Variants in PLSCR4 observed in about 807,000 individuals in gnomAD.
The protein encoded by PLSCR4 is Ca(2+)-dependent phospholipid scramblase 4.
Under a neutral mutation model 36.3 loss-of-function variants are expected in PLSCR4, and 25 were observed. The observed-to-expected ratio is 0.69, with a 90% confidence interval of 0.50 to 0.96. PLSCR4 has a LOEUF of 0.96. PLSCR4 is among the 40% of genes least tolerant of loss of function. The pLI, the probability that PLSCR4 is intolerant of heterozygous loss-of-function variation, is 0.00. For synonymous variants in PLSCR4, 122 were observed against 132.9 expected, an observed-to-expected ratio of 0.92 and a Z score of 0.56; for missense variants, 408 against 414.7, an observed-to-expected ratio of 0.98 and a Z score of 0.14.
intron 3 of PLSCR4, among the ~76,000 whole-genome samples, chr3:146,207,944 T>C (rs1319212823): frequency 1.3e-5 from 2 of 152,048 alleles, no homozygotes; most frequent in Non-Finnish European, 2.9e-5. Context: ...AAAATTCATA[T>C]GCAACCAAAA....
intron 1 of PLSCR4, among the ~76,000 whole-genome samples, chr3:146,247,068 G>A (rs1187623124): frequency 6.6e-6 from 1 of 152,000 alleles, no homozygotes; most frequent in East Asian, 1.9e-4. Flanking sequence ...TTATTAAAAT[G>A]TCTTGATGTT....
At chr3:146,207,687 A>G (rs1361021755) in intron 3 of PLSCR4, among the ~76,000 whole-genome samples, 1 of 152,068 alleles carries the variant, frequency 6.6e-6, no homozygotes, top group African/African-American at 2.4e-5. Flanking sequence ...TGGGACTTCA[A>G]TATGTGAATT....
Position 146,214,419 on chromosome 3 carries a change from G to A in PLSCR4, c.118+6396C>T, listed in dbSNP as rs1198625146. The stretch of plus-strand genomic sequence containing the variant: ...ATTACAGGCGTGAGCCACCGCGCCC[G>A]GCCCTCTTCCTTTTTTTTTAATGGA... On this transcript the variant is annotated intron_variant, in intron 3 of 8. Transcript: ENST00000354952. Among the ~76,000 whole-genome samples the A allele has an allele frequency of 3.2e-4, 3 of 9,496 alleles. 1 individual carries two copies. The highest frequency in any genetic ancestry group is 9.3e-4 in the Non-Finnish European group (3 of 3,236). The allele number at this position is 9,496 out of a possible 152,430, so 6.2% of individuals were successfully genotyped here. A position where few individuals can be genotyped will look rare whatever the true frequency, so the allele number is the denominator to read the frequency against.
Position 146,212,456 on chromosome 3 carries a change from G to GGT in PLSCR4, c.119-5696_119-5695insAC, listed in dbSNP as rs562261221. 7.3e-5 allele frequency among the ~76,000 whole-genome samples: 10 copies of GGT among 137,174 alleles called. No homozygotes were observed. In the East Asian group the frequency reaches 2.1e-3, roughly 29 times the overall value. 90.0% of individuals were successfully genotyped at this position (137,174 alleles called of 152,430 possible). A position where few individuals can be genotyped will look rare whatever the true frequency, so the allele number is the denominator to read the frequency against. ...TGTTTTGTTTTTTTTTGTTTTTTGG[G>GGT]TTTTTTTTTTTTTAGACAGGGTCTC... On this transcript the variant is annotated intron_variant, in intron 3 of 8. Transcript: ENST00000354952.
intron 1 of PLSCR4, among the ~76,000 whole-genome samples, chr3:146,246,345 T>G (rs1322277228): frequency 6.6e-6 from 1 of 152,088 alleles, no homozygotes; most frequent in Non-Finnish European, 1.5e-5. Context: ...TTTATTATTT[T>G]ATTAACATCA....
chr3:146,196,853 T>C, intron 6 of PLSCR4, 60 bp from the exon 7 acceptor site: 1 of 1,414,452 alleles, frequency 7.1e-7, no homozygotes, highest in South Asian at 1.2e-5. Flanking sequence ...CACTTACACA[T>C]ACGCACATAC....
In PLSCR4 at chr3:146,214,278, C is replaced by T. The variant is rs1365815074; in HGVS notation, c.118+6537G>A. 3.8e-5 allele frequency among the ~76,000 whole-genome samples: 2 copies of T among 52,806 alleles called. 1 individual carries two copies. Among genetic ancestry groups the T allele is most frequent in the Non-Finnish European group, 8.8e-5 (2 of 22,788 alleles). 34.6% of individuals were successfully genotyped at this position (52,806 alleles called of 152,430 possible). ...CTGGGACTACAGGCGCCCGCCACTA[C>T]GCCCGGCTAATTTTTTGTATTTTTA... On this transcript the variant is annotated intron_variant, in intron 3 of 8. Coordinates refer to ENST00000354952, the MANE Select transcript of PLSCR4 (RefSeq NM_020353.3).
At chr3:146,217,505 A>G (rs768299021) in intron 3 of PLSCR4, among the ~76,000 whole-genome samples, 2 of 152,242 alleles carry the variant, frequency 1.3e-5, no homozygotes, top group Non-Finnish European at 2.9e-5. Context: ...TTCATTTTAC[A>G]TTTAGAATTC....
chr3:146,226,150 G>A (rs2035466334), intron 1 of PLSCR4, among the ~76,000 whole-genome samples: 1 of 152,236 alleles, frequency 6.6e-6, no homozygotes, highest in South Asian at 2.1e-4. Context: ...CTGTTTAGCT[G>A]TGGCCCACAA....
Position 146,193,553 on chromosome 3 carries a change from T to C in PLSCR4, c.*858A>G, listed in dbSNP as rs917089943. 6.6e-5 allele frequency: 10 copies of C among 152,220 alleles called. No homozygotes were observed. The highest frequency in any genetic ancestry group is 2.2e-4 in the African/African-American group (9 of 41,454). 9.4% of individuals were successfully genotyped at this position (152,220 alleles called of 1,614,324 possible). ...TAGAGATCTGGCAACTTATTTTATA[T>C]ATAAGGCATCTGTGACCAAGAGACG... On this transcript the variant is annotated 3_prime_UTR_variant, in exon 9 of 9. Coordinates refer to ENST00000354952, the MANE Select transcript of PLSCR4 (RefSeq NM_020353.3).
chr3:146,200,633 G>A (rs1024081423), intron 5 of PLSCR4, among the ~76,000 whole-genome samples: 4 of 152,052 alleles, frequency 2.6e-5, no homozygotes, highest in Non-Finnish European at 5.9e-5. Flanking sequence ...TTCCAGCTCT[G>A]CCACTGATTA....
chr3:146,195,239 C>T lies in PLSCR4; in HGVS notation c.830G>A (p.Arg277Gln), dbSNP rs746253409. Residue 277 changes from arginine (R) to glutamine (Q), a missense_variant, in exon 8 of 9, where the codon CGG becomes CAG. Physicochemically the swap from Arg to Gln is conservative, Grantham distance 43. Coordinates refer to ENST00000354952, the MANE Select transcript of PLSCR4 (RefSeq NM_020353.3). The part of the protein sequence containing the change: ...DGISNIGSII[R>Q]KWNGLLSAMA... ...TGCTGATAACAAACCATTCCACTTCCGGATAATACTGCCGATGTTGGATAT... is the reference window on the plus strand; with the variant it reads ...TGCTGATAACAAACCATTCCACTTCTGGATAATACTGCCGATGTTGGATAT... The T allele has an allele frequency of 1.2e-5, 19 of 1,613,506 alleles. No homozygotes were observed. The highest frequency in any genetic ancestry group is 3.3e-5 in the Admixed American group (2 of 59,976).
chr3:146,217,737 T>C (rs74693965), intron 3 of PLSCR4, among the ~76,000 whole-genome samples: 2,232 of 152,072 alleles, frequency 0.015, 60 homozygotes, highest in African/African-American at 0.051. Flanking sequence ...AGAAAGAAAA[T>C]AGAGTTTAGA....
At chr3:146,229,719 G>T (rs1248673812) in intron 1 of PLSCR4, among the ~76,000 whole-genome samples, 1 of 151,508 alleles carries the variant, frequency 6.6e-6, no homozygotes, top group Non-Finnish European at 1.5e-5. Context: ...CCGCCTCCCG[G>T]GTCCACGCCA....
At chr3:146,232,393 T>G (rs2035748509) in intron 1 of PLSCR4, among the ~76,000 whole-genome samples, 1 of 152,198 alleles carries the variant, frequency 6.6e-6, no homozygotes, top group Non-Finnish European at 1.5e-5. Flanking sequence ...ATTGGTAGTT[T>G]GATAGGAATA....
intron 3 of PLSCR4, 43 bp downstream of exon 3, chr3:146,220,772 G>T (rs1164548081): frequency 2.4e-6 from 3 of 1,232,528 alleles, no homozygotes; most frequent in South Asian, 1.3e-5. Flanking sequence ...CATTAGTATG[G>T]TTTTTAGCAA....
Position 146,250,258 on chromosome 3 carries a change from C to T in PLSCR4, c.-22+702G>A, listed in dbSNP as rs1190144729. ...ACAGGAGAATGCAATTTAAATTAGG[C>T]AATCTATTCCCCTTTAAGCAGTATC... On this transcript the variant is annotated intron_variant, in intron 1 of 8. Transcript: ENST00000354952. Among the ~76,000 whole-genome samples, 3 of 152,250 alleles carry T rather than the reference C, an allele frequency of 2.0e-5. No homozygotes were observed. The East Asian group carries it at 5.8e-4, about 29-fold the overall frequency.
chr3:146,216,578 T>C (rs1267385593), intron 3 of PLSCR4, among the ~76,000 whole-genome samples: 1 of 152,204 alleles, frequency 6.6e-6, no homozygotes, highest in Non-Finnish European at 1.5e-5. Flanking sequence ...CCTTAATTTA[T>C]AGAGAATAAA....
chr3:146,226,048 AAT>A (rs35372230), intron 1 of PLSCR4, among the ~76,000 whole-genome samples: 5,505 of 152,300 alleles, frequency 0.036, 153 homozygotes, highest in South Asian at 0.072. Context: ...TCATCTGATA[AAT>A]ATATAGAGGA....
Sources: gnomAD v4.1 joint callset for allele counts (sites outside exome capture counted in the v4.1 genomes callset) on GRCh38, gnomAD v4.1.1 for gene constraint, MANE v1.5 for transcripts, NCBI Gene and HGNC (gene_info 2026-07-23, HGNC 2026-07-21) for gene names.